N4BP2L1: variants seen among roughly 807,000 people sequenced by gnomAD.
N4BP2L1 encodes the protein NEDD4-binding protein 2-like 1.
A neutral mutation model predicts 21.2 loss-of-function variants in N4BP2L1; 12 were observed. That is an observed-to-expected ratio of 0.57 (90% CI 0.36 to 0.92). The LOEUF (loss-of-function observed/expected upper bound fraction) is 0.92, where lower values mean the gene tolerates loss of function less well. Ranked by LOEUF, N4BP2L1 falls within the 40% of genes least tolerant of loss-of-function variation. The pLI is 0.01. For synonymous variants in N4BP2L1, 104 were observed against 112.8 expected (o/e 0.92, Z 0.49); for missense variants, 259 against 310.6 (o/e 0.83, Z 1.25).
intron 4 of N4BP2L1, chr13:32,403,553 T>G: frequency 7.3e-6 from 3 of 411,394 alleles, no homozygotes; most frequent in South Asian, 6.1e-5. Flanking sequence ...CTACTTATGT[T>G]AATCAGTCCC....
At chr13:32,416,392 C>T (rs1309894406) in intron 1 of N4BP2L1, 2 of 152,206 alleles carry the variant, frequency 1.3e-5, no homozygotes, top group Non-Finnish European at 2.9e-5. Context: ...AACTGCTGTG[C>T]TTGAGCGCTA....
chr13:32,425,409 A>T (rs145827075), intron 1 of N4BP2L1: 2 of 152,336 alleles, frequency 1.3e-5, no homozygotes, highest in African/African-American at 4.8e-5. Flanking sequence ...ATGCCCAGCG[A>T]AACGGGAGGA....
At position 32,401,219 on chromosome 13, in the gene N4BP2L1, G is replaced by C. The variant is rs1664942887; in HGVS notation, c.*1723C>G. ...TTCTCCCCTCTACCAGCCCAGACGAGTCAAGCCATCCATATTGAGCTGGTT... is the reference window on the plus strand; with the variant it reads ...TTCTCCCCTCTACCAGCCCAGACGACTCAAGCCATCCATATTGAGCTGGTT... On this transcript the variant is annotated 3_prime_UTR_variant, in exon 5 of 5. Coordinates refer to ENST00000380130, the MANE Select transcript of N4BP2L1 (RefSeq NM_052818.3). 1 of 152,262 alleles carries C rather than the reference G, an allele frequency of 6.6e-6. No individual in the cohort carries two copies. Among genetic ancestry groups the C allele is most frequent in the Admixed American group, 6.5e-5 (1 of 15,292 alleles). 9.4% of individuals were successfully genotyped at this position (152,262 alleles called of 1,614,324 possible).
At chr13:32,407,402 C>A in intron 2 of N4BP2L1, 64 bp from the exon 3 acceptor site, 3 of 1,611,792 alleles carry the variant, frequency 1.9e-6, no homozygotes, top group Non-Finnish European at 2.5e-6. Context: ...TGAGCGTAAT[C>A]TCTATTCGTC....
At position 32,404,417 on chromosome 13, in the gene N4BP2L1, T is replaced by A. The variant is rs569882860; in HGVS notation, c.397-20A>T. The A allele has an allele frequency of 6.4e-7, 1 of 1,559,270 alleles. No homozygotes were observed. Among genetic ancestry groups the A allele is most frequent in the East Asian group, 2.2e-5 (1 of 44,552 alleles). On this transcript the variant is annotated intron_variant, in intron 3 of 4. Transcript: ENST00000380130. ...AAGTGCCTGATTTTTCAAAAGTACA[T>A]AAAACATTGAAGACATAGTATGTAT...
Position 32,418,843 on chromosome 13 carries a change from T to G in N4BP2L1, c.179+9061A>C, listed in dbSNP as rs1431768539. On this transcript the variant is annotated intron_variant, in intron 1 of 4. Coordinates refer to ENST00000380130, the MANE Select transcript of N4BP2L1 (RefSeq NM_052818.3). ...GCTTGCATGGGGCCTATAGCCTTTT[T>G]GTTTTGGCCAATTTCTTCCATTTGG... Among the ~76,000 whole-genome samples the G allele has an allele frequency of 2.6e-5, 4 of 152,374 alleles. No individual in the cohort carries two copies. In the East Asian group the frequency reaches 7.7e-4, roughly 29 times the overall value.
chr13:32,403,895 T>G, intron 4 of N4BP2L1: 1 of 479,610 alleles, frequency 2.1e-6, no homozygotes, highest in Non-Finnish European at 3.9e-6. Flanking sequence ...AACAAGTTAG[T>G]ATTATTTGAA....
At chr13:32,403,439 C>T (rs1316064462) in intron 4 of N4BP2L1, among the ~76,000 whole-genome samples, 3 of 152,158 alleles carry the variant, frequency 2.0e-5, no homozygotes, top group Admixed American at 2.0e-4. Flanking sequence ...TTCAGAAATG[C>T]TTTGTTTCTG....
chr13:32,416,099 A>G (rs989887848), intron 1 of N4BP2L1: 1 of 152,270 alleles, frequency 6.6e-6, no homozygotes, highest in South Asian at 2.1e-4. Flanking sequence ...TACATTTTTT[A>G]GATCTATTTA....
rs2073570581 is a variant in N4BP2L1 at position 32,407,243 on chromosome 13, T to G, written c.396+7A>C. On this transcript the variant is annotated splice_region_variant and intron_variant, in intron 3 of 4. Coordinates refer to ENST00000380130, the MANE Select transcript of N4BP2L1 (RefSeq NM_052818.3). ...AACTGAAAATTCAGAATGATACTTC[T>G]TCCTACCATGACTGCATAGGGCTTC... 13 of 1,613,348 alleles carry G rather than the reference T, an allele frequency of 8.1e-6. No individual in the cohort carries two copies. Among genetic ancestry groups the G allele is most frequent in the Non-Finnish European group, 1.0e-5 (12 of 1,179,330 alleles).
At chr13:32,427,056 C>T (rs2074806494) in intron 1 of N4BP2L1, among the ~76,000 whole-genome samples, 1 of 152,192 alleles carries the variant, frequency 6.6e-6, no homozygotes, top group Non-Finnish European at 1.5e-5. Flanking sequence ...AGGCAGGGAG[C>T]GGTGGGAGTT....
chr13:32,429,023 A>T (rs1249585477), upstream of N4BP2L1, among the ~76,000 whole-genome samples: 1 of 152,210 alleles, frequency 6.6e-6, no homozygotes, highest in Admixed American at 6.5e-5. Context: ...TGAAAGAAAC[A>T]ACATTCAAAA....
chr13:32,428,310 C>G, upstream of N4BP2L1: 1 of 379,492 alleles, frequency 2.6e-6, no homozygotes, highest in Non-Finnish European at 4.7e-6. Context: ...ACAAGGGTGA[C>G]GCACCCACTC....
chr13:32,404,526 T>C (rs2073352750), intron 3 of N4BP2L1, 129 bp from the exon 4 acceptor site: 2 of 649,452 alleles, frequency 3.1e-6, no homozygotes, highest in East Asian at 2.7e-5. Context: ...TCCAATGCCT[T>C]AATTTATCAC....
intron 1 of N4BP2L1, chr13:32,426,054 T>C (rs969014803): frequency 2.0e-5 from 3 of 152,126 alleles, no homozygotes; most frequent in African/African-American, 7.2e-5. Flanking sequence ...AAGTGCAGAA[T>C]GTTAGAGCCA....
chr13:32,403,284 T>C (rs2073262921), intron 4 of N4BP2L1, 84 bp from the exon 5 acceptor site: 2 of 1,383,944 alleles, frequency 1.4e-6, no homozygotes, highest in Non-Finnish European at 2.0e-6. Context: ...GTATTGCAGA[T>C]ATTGCAGTCC....
At chr13:32,417,581 T>C (rs1202731537) in intron 1 of N4BP2L1, among the ~76,000 whole-genome samples, 2 of 152,076 alleles carry the variant, frequency 1.3e-5, no homozygotes, top group African/African-American at 4.8e-5. Context: ...GGCAAATTGG[T>C]ACCACAGAGA....
chr13:32,412,925 A>C (rs61463846), intron 1 of N4BP2L1, among the ~76,000 whole-genome samples: 5,551 of 152,064 alleles, frequency 0.037, 339 homozygotes, highest in African/African-American at 0.13. Flanking sequence ...GCATTTATGT[A>C]CTTATGTGTT....
chr13:32,404,056 A>G (rs1216571607), intron 4 of N4BP2L1: 3 of 1,121,128 alleles, frequency 2.7e-6, no homozygotes, highest in East Asian at 2.6e-5. Flanking sequence ...TCCTTGATGA[A>G]GAAGCATTTT....
Sources: gnomAD v4.1 joint callset for allele counts (sites outside exome capture counted in the v4.1 genomes callset) on GRCh38, gnomAD v4.1.1 for gene constraint, MANE v1.5 for transcripts, NCBI Gene and HGNC (gene_info 2026-07-23, HGNC 2026-07-21) for gene names.